The following MYO18B variants were observed in gnomAD, a reference collection of about 807,000 sequenced individuals.
MYO18B encodes unconventional myosin-XVIIIb.
A neutral mutation model predicts 273.0 loss-of-function variants in MYO18B; 204 were observed. The observed-to-expected ratio is 0.75, with a 90% CI of 0.67 to 0.84. The LOEUF (loss-of-function observed/expected upper bound fraction) is 0.84, where lower values mean the gene tolerates loss of function less well. Among genes scored for constraint, MYO18B ranks in the 40% least tolerant of loss-of-function variants. The pLI, the probability that MYO18B is intolerant of heterozygous loss-of-function variation, is 0.00. For synonymous variants in MYO18B, 1,330 were observed against 1,305.7 expected, an observed-to-expected ratio of 1.02 and a Z score of -0.40; for missense variants, 3,212 against 3,287.6, an observed-to-expected ratio of 0.98 and a Z score of 0.56.
chr22:25,937,461 C>A (rs1172144954), intron 34 of MYO18B, among the ~76,000 whole-genome samples: 1 of 152,002 alleles, frequency 6.6e-6, no homozygotes, highest in Non-Finnish European at 1.5e-5. Flanking sequence ...CAATATATAC[C>A]CAAATAGTTT....
chr22:25,769,483 T>TGCAGGGATGGGAAAGATCTGCC, intron 4 of MYO18B, 55 bp downstream of exon 4: 1 of 1,408,430 alleles, frequency 7.1e-7, no homozygotes, highest in Non-Finnish European at 9.4e-7. Context: ...TCTCCAGAGA[T>TGCAGGGATGGGAAAGATCTGCC]GCAGGGATGG....
intron 20 of MYO18B, 39 bp downstream of exon 20, chr22:25,847,691 C>G: frequency 6.8e-7 from 1 of 1,469,820 alleles, no homozygotes; most frequent in Non-Finnish European, 9.3e-7. Context: ...GTCTCTGACT[C>G]CTGGGACATG....
intron 11 of MYO18B, among the ~76,000 whole-genome samples, chr22:25,789,764 C>T (rs570107257): frequency 1.3e-5 from 2 of 152,340 alleles, no homozygotes; most frequent in South Asian, 4.1e-4. Flanking sequence ...ATTCACCTCA[C>T]CACCCTGAGA....
chr22:25,840,772 A>T (rs1171104489), intron 17 of MYO18B, among the ~76,000 whole-genome samples: 2 of 152,316 alleles, frequency 1.3e-5, no homozygotes, highest in East Asian at 3.9e-4. Context: ...TGGAGTGGGC[A>T]GAAGGGGATT....
At position 25,776,377 on chromosome 22, in the gene MYO18B, C is replaced by G. The variant is rs150608820; in HGVS notation, c.1870-1206C>G. Among the ~76,000 whole-genome samples, 86 of 152,322 alleles carry G rather than the reference C, an allele frequency of 5.6e-4. No homozygotes were observed. The East Asian group carries it at 0.013, about 24-fold the overall frequency. On this transcript the variant is annotated intron_variant, in intron 7 of 43. Transcript: ENST00000335473. ...ATTTGGGAGGCCGAGGCTGGCGGAT[C>G]ACTTGAGGTCAGGAGTTTGAGACAA...
chr22:25,995,261 A>C (rs1933105993), intron 40 of MYO18B, among the ~76,000 whole-genome samples: 1 of 152,222 alleles, frequency 6.6e-6, no homozygotes, highest in Non-Finnish European at 1.5e-5. Flanking sequence ...ATGGGAATAG[A>C]CAGTAGGAGG....
intron 40 of MYO18B, among the ~76,000 whole-genome samples, chr22:25,998,786 G>A (rs999500703): frequency 6.6e-6 from 1 of 152,144 alleles, no homozygotes; most frequent in African/African-American, 2.4e-5. Flanking sequence ...CCAGGCCAGG[G>A]AGAACAGCTT....
At chr22:25,850,160 T>G (rs2090382323) in intron 20 of MYO18B, among the ~76,000 whole-genome samples, 1 of 152,204 alleles carries the variant, frequency 6.6e-6, no homozygotes. Flanking sequence ...CAATTGCTGT[T>G]CTTCCTAGTT....
intron 12 of MYO18B, among the ~76,000 whole-genome samples, chr22:25,814,291 G>GTTCTTTTTTT (rs1569057567): frequency 5.7e-4 from 48 of 84,638 alleles, no homozygotes; most frequent in Middle Eastern, 0.023. Flanking sequence ...CCCAGGCACC[G>GTTCTTTTTTT]TTCTTTTTTT....
intron 42 of MYO18B, among the ~76,000 whole-genome samples, chr22:26,024,920 GT>G (rs1465517980): frequency 6.6e-6 from 1 of 152,162 alleles, no homozygotes; most frequent in African/African-American, 2.4e-5. Context: ...TAAGATCAAG[GT>G]GCTGGCAGTT....
At chr22:25,980,483 C>A (rs2146785216) in intron 39 of MYO18B, among the ~76,000 whole-genome samples, 1 of 152,186 alleles carries the variant, frequency 6.6e-6, no homozygotes, top group East Asian at 1.9e-4. Context: ...CCATAGAGTC[C>A]CCTGCTTGGC....
intron 39 of MYO18B, among the ~76,000 whole-genome samples, chr22:25,981,132 G>T (rs1356248488): frequency 6.6e-6 from 1 of 152,180 alleles, no homozygotes; most frequent in Non-Finnish European, 1.5e-5. Flanking sequence ...CCATCCTGCT[G>T]ACTTCATTTT....
At chr22:25,987,220 C>A (rs989339320) in intron 39 of MYO18B, among the ~76,000 whole-genome samples, 9 of 152,156 alleles carry the variant, frequency 5.9e-5, no homozygotes, top group African/African-American at 2.2e-4. Context: ...GCAGAGAAAA[C>A]AAACAACAAA....
At chr22:26,042,987 T>C in the MYO18B span, among the ~76,000 whole-genome samples, 1 of 152,344 alleles carries the variant, frequency 6.6e-6, no homozygotes, top group South Asian at 2.1e-4. Flanking sequence ...TCAGTCTGTT[T>C]GGATGAATGC....
chr22:25,851,722 G>C (rs1354743097), intron 21 of MYO18B, 143 bp downstream of exon 21: 16 of 669,792 alleles, frequency 2.4e-5, no homozygotes, highest in Non-Finnish European at 3.2e-5. Flanking sequence ...GATCACTTGA[G>C]TCCAGGAGTA....
chr22:25,814,294 CTTTTTTTTTTTTTTTTTTTTTTTTTTT>C (rs398036691), intron 12 of MYO18B, among the ~76,000 whole-genome samples: 11 of 59,498 alleles, frequency 1.8e-4, no homozygotes, highest in Admixed American at 5.5e-4. Flanking sequence ...AGGCACCGTT[CTTTTTTTTTTTTTTTTTTTTTTTTTTT>C]TTTTTTTTTT....
intron 34 of MYO18B, among the ~76,000 whole-genome samples, chr22:25,930,579 C>T (rs191333210): frequency 5.1e-4 from 77 of 151,328 alleles, no homozygotes; most frequent in Non-Finnish European, 9.0e-4. Flanking sequence ...GGTGCAATCG[C>T]GGTTTACTAC....
At chr22:25,963,110 T>TCTCTCTCTCTCTCCTCTTTCTCTTTCTC in intron 39 of MYO18B, among the ~76,000 whole-genome samples, 1 of 151,484 alleles carries the variant, frequency 6.6e-6, no homozygotes, top group Non-Finnish European at 1.5e-5. Flanking sequence ...GCATGCTGTT[T>TCTCTCTCTCTCTCCTCTTTCTCTTTCTC]CTCTCTCTCT....
chr22:25,743,468 AAAG>A (rs1454445204), intron 1 of MYO18B, among the ~76,000 whole-genome samples: 2 of 152,120 alleles, frequency 1.3e-5, no homozygotes, highest in African/African-American at 4.8e-5. Flanking sequence ...GAGAGAGAGA[AAAG>A]AAGGAAGAGG....
Sources: gnomAD v4.1 joint callset for allele counts (sites outside exome capture counted in the v4.1 genomes callset) on GRCh38, gnomAD v4.1.1 for gene constraint, MANE v1.5 for transcripts, NCBI Gene and HGNC (gene_info 2026-07-23, HGNC 2026-07-21) for gene names.